Variants in FRMD6 observed in about 807,000 individuals in gnomAD.
FRMD6 encodes the protein FERM domain-containing protein 6.
Under a neutral mutation model 73.2 loss-of-function variants are expected in FRMD6, and 37 were observed. The ratio of observed to expected loss-of-function variants is 0.51; its 90% CI spans 0.39 to 0.66. FRMD6 has a LOEUF of 0.66. Among genes scored for constraint, FRMD6 ranks in the 30% least tolerant of loss-of-function variants. FRMD6 has a pLI of 0.00. For missense variants in FRMD6, 714 were observed against 780.5 expected (o/e 0.91, Z 1.02); for synonymous variants, 273 against 282.2 (o/e 0.97, Z 0.33).
At chr14:51,423,155 A>C in the FRMD6 span, among the ~76,000 whole-genome samples, 1 of 152,180 alleles carries the variant, frequency 6.6e-6, no homozygotes, top group African/African-American at 2.4e-5. Flanking sequence ...TGCGTAGCTT[A>C]TTCTGTCTGT....
intron 1 of FRMD6, among the ~76,000 whole-genome samples, chr14:51,523,497 T>C (rs761087259): frequency 2.0e-5 from 3 of 152,200 alleles, no homozygotes; most frequent in Non-Finnish European, 2.9e-5. Context: ...AACTCAGCTA[T>C]GAACTCAAAG....
At position 51,720,143 on chromosome 14, in the gene FRMD6, C is replaced by T. The variant is rs768774078; in HGVS notation, c.1113C>T (p.Ser371=). 6 of 1,613,876 alleles carry T rather than the reference C, an allele frequency of 3.7e-6. No homozygotes were observed. In the Admixed American group the frequency reaches 1.0e-4, roughly 27 times the overall value. The part of the protein sequence containing the change: ...QLEKRSRASG[S]SAGSMKHKRL... Reference sequence around the variant, plus strand: ...AAAAACGGTCGCGGGCCAGCGGGAGCAGTGCGGGCAGCATGAAACACAAGC... The same window carrying T: ...AAAAACGGTCGCGGGCCAGCGGGAGTAGTGCGGGCAGCATGAAACACAAGC... The change falls in exon 11 of 14, where the codon AGC becomes AGT. Residue 371 remains serine, a synonymous_variant. Transcript: ENST00000344768.
At chr14:51,431,494 T>C in the FRMD6 span, among the ~76,000 whole-genome samples, 2 of 152,218 alleles carry the variant, frequency 1.3e-5, no homozygotes, top group Admixed American at 1.3e-4. Context: ...AGGGAAACCA[T>C]TTCATACTCT....
chr14:51,645,253 C>T (rs370788491), intron 2 of FRMD6, among the ~76,000 whole-genome samples: 205 of 152,250 alleles, frequency 1.3e-3, no homozygotes, highest in African/African-American at 3.9e-3. Flanking sequence ...GATCTTATGT[C>T]GGGTGTTTCA....
At chr14:51,430,359 T>C in the FRMD6 span, among the ~76,000 whole-genome samples, 1,394 of 152,312 alleles carry the variant, frequency 9.2e-3, 22 homozygotes, top group African/African-American at 0.032. Flanking sequence ...TCCTGTTAAG[T>C]ACTGCTGACC....
At chr14:51,500,790 A>G (rs1190796718) in intron 1 of FRMD6, among the ~76,000 whole-genome samples, 1 of 152,214 alleles carries the variant, frequency 6.6e-6, no homozygotes, top group Non-Finnish European at 1.5e-5. Context: ...ACACATACAT[A>G]TAATGGGTGT....
At chr14:51,679,555 C>CTTTTTTTT (rs61250963) in intron 1 of FRMD6, among the ~76,000 whole-genome samples, 19 of 120,580 alleles carry the variant, frequency 1.6e-4, no homozygotes, top group African/African-American at 2.7e-4. Context: ...CATTTGTTTT[C>CTTTTTTTT]TTTTTTTTTT....
chr14:51,418,566 C>A, the FRMD6 span, among the ~76,000 whole-genome samples: 8 of 152,340 alleles, frequency 5.3e-5, no homozygotes, highest in East Asian at 1.5e-3. Context: ...CAGAGGGGCA[C>A]CTGCCTGTAT....
chr14:51,438,980 T>C, the FRMD6 span, among the ~76,000 whole-genome samples: 1 of 152,214 alleles, frequency 6.6e-6, no homozygotes, highest in Non-Finnish European at 1.5e-5. Context: ...AATATGACTA[T>C]ATAAATCTGG....
intron 1 of FRMD6, among the ~76,000 whole-genome samples, chr14:51,666,993 G>A (rs996057407): frequency 1.3e-5 from 2 of 152,062 alleles, no homozygotes; most frequent in Non-Finnish European, 2.9e-5. Context: ...AAGTTAATTG[G>A]GTGTGGTGAT....
At chr14:51,552,464 G>C (rs1424354845) in intron 1 of FRMD6, among the ~76,000 whole-genome samples, 1 of 152,238 alleles carries the variant, frequency 6.6e-6, no homozygotes, top group African/African-American at 2.4e-5. Flanking sequence ...GCCCCTAGGG[G>C]CTGGCAATGA....
chr14:51,627,721 C>G (rs1332545583), intron 2 of FRMD6, among the ~76,000 whole-genome samples: 1 of 152,180 alleles, frequency 6.6e-6, no homozygotes, highest in African/African-American at 2.4e-5. Flanking sequence ...TTTGGCTCTC[C>G]TGTTACCCGA....
At chr14:51,649,541 C>T (rs1162721166), upstream of FRMD6, 1 of 152,072 alleles carries the variant, frequency 6.6e-6, no homozygotes, top group African/African-American at 2.4e-5. Flanking sequence ...ATATATTATT[C>T]ATTTATCTAA....
the FRMD6 span, among the ~76,000 whole-genome samples, chr14:51,434,981 T>C: frequency 6.6e-6 from 1 of 152,154 alleles, no homozygotes; most frequent in Non-Finnish European, 1.5e-5. Flanking sequence ...AGTGTCACTG[T>C]TGTGGGAGAC....
the FRMD6 span, among the ~76,000 whole-genome samples, chr14:51,411,581 C>G: frequency 6.6e-6 from 1 of 152,300 alleles, no homozygotes; most frequent in East Asian, 1.9e-4. Flanking sequence ...TTCGATTTCC[C>G]TAACTCCACT....
chr14:51,410,597 A>G, the FRMD6 span, among the ~76,000 whole-genome samples: 1 of 152,244 alleles, frequency 6.6e-6, no homozygotes, highest in African/African-American at 2.4e-5. Flanking sequence ...TATTTAAAAA[A>G]GCAGCACATG....
chr14:51,412,630 T>A, the FRMD6 span, among the ~76,000 whole-genome samples: 1 of 152,018 alleles, frequency 6.6e-6, no homozygotes, highest in Non-Finnish European at 1.5e-5. Flanking sequence ...GGCGGGTGGA[T>A]CACGAGGTCA....
At chr14:51,467,865 C>T in the FRMD6 span, among the ~76,000 whole-genome samples, 19 of 152,070 alleles carry the variant, frequency 1.2e-4, no homozygotes, top group East Asian at 2.7e-3. Context: ...TGGGCAGAGA[C>T]GCTCCTCACT....
chr14:51,605,068 C>A (rs969539933), intron 2 of FRMD6, among the ~76,000 whole-genome samples: 1 of 152,066 alleles, frequency 6.6e-6, no homozygotes, highest in Admixed American at 6.5e-5. Flanking sequence ...TATCTCTACC[C>A]CTGCCTGGCC....
Sources: gnomAD v4.1 joint callset for allele counts (sites outside exome capture counted in the v4.1 genomes callset) on GRCh38, gnomAD v4.1.1 for gene constraint, MANE v1.5 for transcripts, NCBI Gene and HGNC (gene_info 2026-07-23, HGNC 2026-07-21) for gene names.